The following CLEC17A variants were observed in gnomAD, a reference collection of about 807,000 sequenced individuals.
The protein encoded by CLEC17A is C-type lectin domain family 17, member A.
In CLEC17A, 37 loss-of-function variants were observed where a neutral mutation model predicts 61.3. The ratio of observed to expected loss-of-function variants is 0.60; its 90% CI spans 0.46 to 0.79. CLEC17A has a LOEUF of 0.79. Ranked by LOEUF, CLEC17A falls within the 30% of genes least tolerant of loss-of-function variation. The probability of loss-of-function intolerance (pLI) is 0.00; values close to 1 mark genes in which losing one functional copy is unlikely to be tolerated. For synonymous variants in CLEC17A, 168 were observed against 164.9 expected (o/e 1.02, Z -0.14); for missense variants, 418 against 464.7 (o/e 0.90, Z 0.92).
intron 4 of CLEC17A, among the ~76,000 whole-genome samples, chr19:14,593,394 T>G (rs948338427): frequency 6.6e-6 from 1 of 150,816 alleles, no homozygotes; most frequent in Non-Finnish European, 1.5e-5. Flanking sequence ...TGCTTGTAAT[T>G]CTAGCACTTT....
chr19:14,602,002 C>G (rs933270587), intron 12 of CLEC17A, among the ~76,000 whole-genome samples: 2 of 152,010 alleles, frequency 1.3e-5, no homozygotes, highest in African/African-American at 4.8e-5. Context: ...CTGTGTTAGC[C>G]AGGATGGTCT....
intron 12 of CLEC17A, among the ~76,000 whole-genome samples, chr19:14,606,635 G>A (rs1280960949): frequency 2.8e-5 from 4 of 144,418 alleles, no homozygotes; most frequent in East Asian, 2.1e-4. Context: ...AGCTGAGATC[G>A]CACCACAGCA....
chr19:14,601,655 G>A (rs560650127), intron 12 of CLEC17A, among the ~76,000 whole-genome samples: 1 of 152,164 alleles, frequency 6.6e-6, no homozygotes, highest in South Asian at 2.1e-4. Context: ...GTCTCACTCT[G>A]TCACTCAAGC....
At position 14,600,143 on chromosome 19, in the gene CLEC17A, T is replaced by C. The variant is rs748501302; in HGVS notation, c.855T>C (p.Asn285=). 1 of 1,613,994 alleles carries C rather than the reference T, an allele frequency of 6.2e-7. No homozygotes were observed. The highest frequency in any genetic ancestry group is 1.7e-5 in the Admixed American group (1 of 60,016). The change falls in exon 12 of 14, where the codon AAT becomes AAC. Residue 285 remains asparagine, a synonymous_variant. Coordinates refer to ENST00000417570, the MANE Select transcript of CLEC17A (RefSeq NM_001204118.2). ...AGGCCCGGATGTTCTGCCAGGAGAA[T>C]TACTCTCACTTGGTCATCATCAATA... The part of the protein sequence containing the change: ...WDEARMFCQE[N]YSHLVIINSF...
chr19:14,592,481 T>A, intron 4 of CLEC17A, 123 bp downstream of exon 4: 1 of 1,526,234 alleles, frequency 6.6e-7, no homozygotes, highest in Non-Finnish European at 8.8e-7. Context: ...CCAGGCACTG[T>A]GCAACACACA....
At chr19:14,592,197 T>C (rs1363250839) in intron 3 of CLEC17A, 84 bp from the exon 4 acceptor site, 1 of 1,402,928 alleles carries the variant, frequency 7.1e-7, no homozygotes, top group Non-Finnish European at 9.6e-7. Flanking sequence ...ATCCCCATCA[T>C]GGGGCAGCTG....
At chr19:14,595,663 G>A (rs2074524912) in intron 8 of CLEC17A, among the ~76,000 whole-genome samples, 1 of 141,426 alleles carries the variant, frequency 7.1e-6, no homozygotes. Context: ...TGGTAGTAAC[G>A]ATGGTAGAGG....
At chr19:14,589,519 C>G (rs147956892) in intron 3 of CLEC17A, among the ~76,000 whole-genome samples, 12,746 of 139,112 alleles carry the variant, frequency 0.092, 2,243 homozygotes, top group African/African-American at 0.37. Context: ...CAGCCTTGAG[C>G]TCTTGGGTCC....
At chr19:14,584,384 G>A (rs1405546396) in intron 2 of CLEC17A, 2 of 152,080 alleles carry the variant, frequency 1.3e-5, no homozygotes, top group East Asian at 3.9e-4. Flanking sequence ...AGCATAGCGC[G>A]ACTCCACTTC....
chr19:14,603,521 A>G (rs2074775338), intron 12 of CLEC17A, among the ~76,000 whole-genome samples: 1 of 152,002 alleles, frequency 6.6e-6, no homozygotes, highest in South Asian at 2.1e-4. Context: ...GTGCAGTGGC[A>G]TGATCTTGGC....
At chr19:14,591,750 C>T (rs928437378) in intron 3 of CLEC17A, among the ~76,000 whole-genome samples, 15 of 151,514 alleles carry the variant, frequency 9.9e-5, no homozygotes, top group Non-Finnish European at 2.1e-4. Context: ...GACGGGGTTT[C>T]GCCATGTTGG....
At chr19:14,586,053 T>G (rs2074271441) in intron 2 of CLEC17A, among the ~76,000 whole-genome samples, 1 of 152,252 alleles carries the variant, frequency 6.6e-6, no homozygotes, top group Non-Finnish European at 1.5e-5. Flanking sequence ...ATTGCTCTGT[T>G]TTATTAGGTT....
intron 4 of CLEC17A, among the ~76,000 whole-genome samples, chr19:14,593,574 A>G (rs927313866): frequency 1.4e-4 from 21 of 151,862 alleles, no homozygotes; most frequent in African/African-American, 5.1e-4. Flanking sequence ...AGGTGGTAGG[A>G]TTGCTAGAAC....
chr19:14,588,066 A>C (rs2074327886), intron 3 of CLEC17A, among the ~76,000 whole-genome samples: 1 of 151,958 alleles, frequency 6.6e-6, no homozygotes, highest in Admixed American at 6.6e-5. Context: ...TGCTTGAGAA[A>C]CTGGGAGTGG....
chr19:14,608,510 A>T (rs2146762056), intron 13 of CLEC17A, among the ~76,000 whole-genome samples: 1 of 152,212 alleles, frequency 6.6e-6, no homozygotes, highest in Admixed American at 6.6e-5. Context: ...CTGGACCCTG[A>T]ACCTTCAATA....
intron 10 of CLEC17A, among the ~76,000 whole-genome samples, chr19:14,597,696 A>G (rs1412384484): frequency 1.3e-5 from 2 of 152,156 alleles, no homozygotes; most frequent in Admixed American, 6.6e-5. Flanking sequence ...CCATGATCAC[A>G]CTCAAGAGAT....
In CLEC17A at chr19:14,591,897, A is replaced by C. The variant is rs1473354146; in HGVS notation, c.200-384A>C. 4.0e-5 allele frequency among the ~76,000 whole-genome samples: 4 copies of C among 99,736 alleles called. No homozygotes were observed. In the East Asian group the frequency reaches 8.7e-4, roughly 22 times the overall value. The allele number at this position is 99,736 out of a possible 152,430, so 65.4% of individuals were successfully genotyped here. ...TGTGTGAATCCAAACTCCGGAGAAAAATGTGTGTGTGTGTGTGTGTGTGTG... is the reference window on the plus strand; with the variant it reads ...TGTGTGAATCCAAACTCCGGAGAAACATGTGTGTGTGTGTGTGTGTGTGTG... On this transcript the variant is annotated intron_variant, in intron 3 of 13. Coordinates refer to ENST00000417570, the MANE Select transcript of CLEC17A (RefSeq NM_001204118.2).
chr19:14,590,816 G>A (rs1296520953), intron 3 of CLEC17A, among the ~76,000 whole-genome samples: 1 of 151,716 alleles, frequency 6.6e-6, no homozygotes, highest in East Asian at 1.9e-4. Flanking sequence ...TCTCCCGATA[G>A]CTGGGACTAC....
chr19:14,607,123 G>A (rs2074898922), intron 13 of CLEC17A, 21 bp downstream of exon 13: 4 of 1,179,256 alleles, frequency 3.4e-6, no homozygotes, highest in Non-Finnish European at 4.3e-6. Flanking sequence ...GGGTTTCCTG[G>A]GGTCTCTCTG....
Sources: gnomAD v4.1 joint callset for allele counts (sites outside exome capture counted in the v4.1 genomes callset) on GRCh38, gnomAD v4.1.1 for gene constraint, MANE v1.5 for transcripts, NCBI Gene and HGNC (gene_info 2026-07-23, HGNC 2026-07-21) for gene names.